DHRSX: variants seen among roughly 807,000 people sequenced by gnomAD.
DHRSX encodes the protein dehydrogenase/reductase X-linked.
Under a neutral mutation model 34.0 loss-of-function variants are expected in DHRSX, and 31 were observed. The ratio of observed to expected loss-of-function variants is 0.91; its 90% confidence interval spans 0.69 to 1.23. DHRSX has a LOEUF of 1.23. Ranked by LOEUF, DHRSX falls within the 50% of genes most tolerant of loss-of-function variation. DHRSX has a pLI of 0.00. For synonymous variants in DHRSX, 201 were observed against 183.8 expected (o/e 1.09, Z -0.76); for missense variants, 414 against 428.1 (o/e 0.97, Z 0.29).
At chrX:2,385,291 G>A (rs1370850785) in intron 3 of DHRSX, among the ~76,000 whole-genome samples, 2 of 152,104 alleles carry the variant, frequency 1.3e-5, no homozygotes, top group Admixed American at 1.3e-4. Flanking sequence ...ATTCATCCAT[G>A]AATCAGCCAG....
At chrX:2,392,437 G>A (rs780544080) in intron 3 of DHRSX, 39 of 306,314 alleles carry the variant, frequency 1.3e-4, no homozygotes, top group African/African-American at 6.9e-4. Context: ...AGTTCCAGAG[G>A]CAAAGCCAGC....
intron 3 of DHRSX, among the ~76,000 whole-genome samples, chrX:2,358,898 G>A (rs1164609776): frequency 6.6e-5 from 10 of 150,444 alleles, no homozygotes; most frequent in East Asian, 2.0e-4. Context: ...GCAGTGAGCC[G>A]AGATCGCGCC....
chrX:2,322,370 G>A (rs2042322086), intron 3 of DHRSX, among the ~76,000 whole-genome samples: 2 of 151,828 alleles, frequency 1.3e-5, no homozygotes. Flanking sequence ...CCAACGTGGT[G>A]AAACCCTGTC....
chrX:2,351,620 G>T (rs1243161059), intron 3 of DHRSX, among the ~76,000 whole-genome samples: 2 of 152,190 alleles, frequency 1.3e-5, no homozygotes, highest in African/African-American at 2.4e-5. Flanking sequence ...TAACCACTGG[G>T]ACCAGCCCTG....
At chrX:2,296,579 T>C (rs113671274) in intron 3 of DHRSX, among the ~76,000 whole-genome samples, 5 of 72,296 alleles carry the variant, frequency 6.9e-5, no homozygotes, top group Admixed American at 3.1e-4. Flanking sequence ...CCCAGGCAGA[T>C]AGGAATAGGA....
At chrX:2,235,711 C>CCAG (rs2015996506) in intron 6 of DHRSX, among the ~76,000 whole-genome samples, 2 of 138,144 alleles carry the variant, frequency 1.4e-5, no homozygotes, top group East Asian at 2.2e-4. Context: ...CCACTACACT[C>CCAG]CAGCCTGGGC....
At chrX:2,393,059 ATAT>A (rs1458101226) in intron 3 of DHRSX, among the ~76,000 whole-genome samples, 2 of 146,928 alleles carry the variant, frequency 1.4e-5, no homozygotes. Flanking sequence ...ATATAAATTC[ATAT>A]TATGTCATTA....
intron 3 of DHRSX, among the ~76,000 whole-genome samples, chrX:2,380,490 AG>A (rs1459064588): frequency 3.9e-5 from 6 of 152,010 alleles, no homozygotes; most frequent in African/African-American, 1.2e-4. Flanking sequence ...ATGGTTCAGG[AG>A]AGATGTATAG....
chrX:2,468,640 AG>A (rs1460711328), intron 1 of DHRSX, among the ~76,000 whole-genome samples: 7 of 151,796 alleles, frequency 4.6e-5, no homozygotes, highest in African/African-American at 1.5e-4. Context: ...TACACACTGA[AG>A]ACATTCCCTA....
intron 3 of DHRSX, among the ~76,000 whole-genome samples, chrX:2,361,887 T>C (rs939529597): frequency 9.9e-5 from 15 of 152,234 alleles, no homozygotes; most frequent in African/African-American, 3.4e-4. Context: ...TTTCATTTTC[T>C]TTTCTTCAAA....
chrX:2,401,738 G>C (rs1032853851), intron 3 of DHRSX, among the ~76,000 whole-genome samples: 6 of 152,142 alleles, frequency 3.9e-5, no homozygotes, highest in African/African-American at 1.4e-4. Context: ...GTAAGTGAAT[G>C]AGACTATTTG....
At chrX:2,416,959 A>G (rs1456776502) in intron 2 of DHRSX, among the ~76,000 whole-genome samples, 1 of 152,106 alleles carries the variant, frequency 6.6e-6, no homozygotes, top group East Asian at 1.9e-4. Flanking sequence ...TCATTAATTG[A>G]CTTTGAATCA....
At chrX:2,330,679 G>A (rs967455716) in intron 3 of DHRSX, among the ~76,000 whole-genome samples, 2 of 134,128 alleles carry the variant, frequency 1.5e-5, no homozygotes, top group Non-Finnish European at 3.2e-5. Flanking sequence ...GGAGAAGGAG[G>A]AGGAGAAGTA....
chrX:2,374,224 C>A (rs920975026), intron 3 of DHRSX, among the ~76,000 whole-genome samples: 3 of 152,164 alleles, frequency 2.0e-5, no homozygotes, highest in Admixed American at 2.0e-4. Context: ...GGCATGCCAC[C>A]GTGCCTGGCT....
chrX:2,262,867 A>C lies in DHRSX; in HGVS notation c.596+3873T>G, dbSNP rs62595504. 2.0e-5 allele frequency among the ~76,000 whole-genome samples: 3 copies of C among 152,066 alleles called. No individual in the cohort carries two copies. The South Asian group carries it at 6.2e-4, about 31-fold the overall frequency. ...GAGAGGCTCACAGACACAGGAGCTC[A>C]ATTCGACAAAACAGATGGGCCAAGG... On this transcript the variant is annotated intron_variant, in intron 5 of 6. Transcript: ENST00000334651.
intron 3 of DHRSX, among the ~76,000 whole-genome samples, chrX:2,292,652 C>T (rs146060313): frequency 0.011 from 1,640 of 151,828 alleles, 29 homozygotes; most frequent in African/African-American, 0.035. Flanking sequence ...GTAAGAAGTA[C>T]GAGCCCTTCC....
chrX:2,486,453 T>C (rs1048036473), intron 1 of DHRSX: 41 of 152,198 alleles, frequency 2.7e-4, no homozygotes, highest in African/African-American at 7.2e-4. Flanking sequence ...TCTGGTTTAT[T>C]GAACAACAGT....
chrX:2,246,853 TAAAAG>T (rs2016309933), intron 5 of DHRSX, among the ~76,000 whole-genome samples: 1 of 151,968 alleles, frequency 6.6e-6, no homozygotes, highest in Non-Finnish European at 1.5e-5. Flanking sequence ...GGAAAACACA[TAAAAG>T]AAAACCAAAA....
At chrX:2,362,069 A>T (rs2042940398) in intron 3 of DHRSX, among the ~76,000 whole-genome samples, 1 of 152,204 alleles carries the variant, frequency 6.6e-6, no homozygotes, top group Non-Finnish European at 1.5e-5. Flanking sequence ...ATTCAAAGAA[A>T]AGGAAGGCTG....
Sources: allele counts gnomAD v4.1 joint callset (sites outside exome capture counted in the v4.1 genomes callset), GRCh38; gene constraint gnomAD v4.1.1; transcripts MANE v1.5; gene names NCBI Gene and HGNC (gene_info 2026-07-23, HGNC 2026-07-21).